The following ATP2C2 variants were observed in gnomAD, a reference collection of about 807,000 sequenced individuals.
ATP2C2 encodes ATPase secretory pathway Ca2+ transporting 2.
In ATP2C2, 171 loss-of-function variants were observed where a neutral mutation model predicts 110.8. The observed-to-expected ratio is 1.54, with a 90% CI of 1.36 to 1.75. The LOEUF (loss-of-function observed/expected upper bound fraction) is 1.75, where lower values mean the gene tolerates loss of function less well. ATP2C2 is among the 40% of genes most tolerant of loss of function. The probability of loss-of-function intolerance (pLI) is 0.00; values close to 1 mark genes in which losing one functional copy is unlikely to be tolerated. For synonymous variants in ATP2C2, 804 were observed against 508.4 expected (o/e 1.58, Z -7.82); for missense variants, 1,963 against 1,235.0 (o/e 1.59, Z -8.84).
intron 21 of ATP2C2, among the ~76,000 whole-genome samples, chr16:84,456,079 C>T (rs1910764454): frequency 2.0e-5 from 2 of 102,090 alleles, no homozygotes; most frequent in East Asian, 2.5e-4. Context: ...GGATATTGGT[C>T]TAAAATTCTC....
At position 84,408,475 on chromosome 16, in the gene ATP2C2, A is replaced by T; in HGVS notation, c.398A>T (p.Asp133Val). ...LVSVLTKEYE[D>V]AVSIATAVLV... is the part of the protein sequence containing the mutation. ...AGTGTCCTCACCAAGGAGTATGAGGACGCCGTCAGCATCGCCACGGTGAGT... is the reference window on the plus strand; with the variant it reads ...AGTGTCCTCACCAAGGAGTATGAGGTCGCCGTCAGCATCGCCACGGTGAGT... Residue 133 changes from aspartate (D) to valine (V), a missense_variant, in exon 4 of 27, where the codon GAC becomes GTC. Asp to Val is a radical substitution (Grantham distance 152, BLOSUM62 -3). Coordinates refer to ENST00000262429, the MANE Select transcript of ATP2C2 (RefSeq NM_014861.4). The T allele has an allele frequency of 2.5e-6, 4 of 1,613,394 alleles. No individual in the cohort carries two copies. The highest frequency in any genetic ancestry group is 3.4e-6 in the Non-Finnish European group (4 of 1,179,948).
At chr16:84,394,727 C>T (rs1319551054) in intron 1 of ATP2C2, among the ~76,000 whole-genome samples, 1 of 152,098 alleles carries the variant, frequency 6.6e-6, no homozygotes, top group Non-Finnish European at 1.5e-5. Flanking sequence ...CCGATGGACA[C>T]GTCACTCCAG....
At chr16:84,447,498 CA>C (rs1215889000) in intron 16 of ATP2C2, among the ~76,000 whole-genome samples, 2 of 151,680 alleles carry the variant, frequency 1.3e-5, no homozygotes, top group African/African-American at 4.8e-5. Flanking sequence ...TTTAAATATG[CA>C]AACGACAACA....
chr16:84,427,443 C>G (rs1044442809), intron 11 of ATP2C2, among the ~76,000 whole-genome samples: 1 of 152,064 alleles, frequency 6.6e-6, no homozygotes, highest in African/African-American at 2.4e-5. Context: ...CTCGGCCAGG[C>G]GCGGTGGCTC....
intron 26 of ATP2C2, 33 bp from the exon 27 acceptor site, chr16:84,463,581 G>A (rs368738313): frequency 7.4e-5 from 117 of 1,579,376 alleles, no homozygotes; most frequent in Admixed American, 3.7e-4. Flanking sequence ...GCTGCAGCCC[G>A]TCCTGAATCT....
intron 15 of ATP2C2, among the ~76,000 whole-genome samples, chr16:84,446,024 T>C (rs937771140): frequency 1.3e-5 from 2 of 152,146 alleles, no homozygotes; most frequent in Non-Finnish European, 2.9e-5. Flanking sequence ...GTCTGAGAAA[T>C]TGCTACACCT....
At chr16:84,460,317 G>T (rs1567466602) in intron 23 of ATP2C2, 1 of 380,914 alleles carries the variant, frequency 2.6e-6, no homozygotes, top group Non-Finnish European at 5.0e-6. Context: ...GGAGGGCGGA[G>T]CCTGGAGCCT....
In ATP2C2 at chr16:84,453,383, A is replaced by C. The variant is rs573585622; in HGVS notation, c.1980+12A>C. 6.6e-5 allele frequency: 107 copies of C among 1,614,120 alleles called. 1 individual carries two copies. The South Asian group carries it at 1.1e-3, about 16-fold the overall frequency. On this transcript the variant is annotated intron_variant, in intron 20 of 26. Coordinates refer to ENST00000262429, the MANE Select transcript of ATP2C2 (RefSeq NM_014861.4). The stretch of plus-strand genomic sequence containing the variant: ...TCAAAATCATCAAGGTTCGCTGGGC[A>C]AGGCAGGCACAGGCTGCGCTGCTGG...
intron 7 of ATP2C2, among the ~76,000 whole-genome samples, chr16:84,419,305 T>C (rs1040029072): frequency 6.6e-6 from 1 of 150,544 alleles, no homozygotes; most frequent in African/African-American, 2.4e-5. Flanking sequence ...TTTCCCAGCT[T>C]CTAGAAGCCG....
chr16:84,415,136 C>G (rs1164015161), intron 6 of ATP2C2, among the ~76,000 whole-genome samples: 1 of 152,076 alleles, frequency 6.6e-6, no homozygotes, highest in East Asian at 1.9e-4. Context: ...ACCCTGAGTG[C>G]TGTGTGCTCT....
intron 1 of ATP2C2, among the ~76,000 whole-genome samples, chr16:84,379,996 C>G (rs1910483043): frequency 6.6e-6 from 1 of 152,188 alleles, no homozygotes; most frequent in African/African-American, 2.4e-5. Context: ...ACTCAGAGAA[C>G]TAAGCCTTGC....
At chr16:84,440,669 GGTACT>G (rs1430954925) in intron 13 of ATP2C2, among the ~76,000 whole-genome samples, 183 bp from the exon 14 acceptor site, 1 of 152,192 alleles carries the variant, frequency 6.6e-6, no homozygotes, top group Non-Finnish European at 1.5e-5. Flanking sequence ...ACTCATGCCT[GGTACT>G]GTGTCCATCC....
At chr16:84,381,061 G>A (rs1910552784) in intron 1 of ATP2C2, among the ~76,000 whole-genome samples, 1 of 152,172 alleles carries the variant, frequency 6.6e-6, no homozygotes, top group Non-Finnish European at 1.5e-5. Flanking sequence ...CAACATGGCT[G>A]TTTATTTCAC....
intron 1 of ATP2C2, among the ~76,000 whole-genome samples, chr16:84,398,207 A>T (rs6564030): frequency 6.6e-6 from 1 of 151,648 alleles, no homozygotes; most frequent in Admixed American, 6.6e-5. Context: ...TTTGAGACCA[A>T]CCTGGCCAAC....
chr16:84,442,720 A>T, intron 15 of ATP2C2, 121 bp downstream of exon 15: 1 of 979,954 alleles, frequency 1.0e-6, no homozygotes, highest in Non-Finnish European at 1.6e-6. Context: ...ATGGAAGAAA[A>T]TGGCCCACAC....
intron 1 of ATP2C2, among the ~76,000 whole-genome samples, chr16:84,392,063 T>C (rs1904697516): frequency 6.6e-6 from 1 of 152,186 alleles, no homozygotes; most frequent in Non-Finnish European, 1.5e-5. Flanking sequence ...TATTTAATTT[T>C]GTATTTTGTA....
At chr16:84,371,364 G>T (rs957457648) in intron 1 of ATP2C2, among the ~76,000 whole-genome samples, 1 of 152,016 alleles carries the variant, frequency 6.6e-6, no homozygotes, top group Non-Finnish European at 1.5e-5. Flanking sequence ...AAAAAATTAG[G>T]CGTGGTGGTG....
Position 84,463,747 on chromosome 16 carries a change from C to T in ATP2C2, c.*15C>T, listed in dbSNP as rs142106669. The T allele has an allele frequency of 8.1e-5, 128 of 1,586,984 alleles. No homozygotes were observed. The highest frequency in any genetic ancestry group is 6.5e-4 in the East Asian group (29 of 44,770). On this transcript the variant is annotated 3_prime_UTR_variant, in exon 27 of 27. Coordinates refer to ENST00000262429, the MANE Select transcript of ATP2C2 (RefSeq NM_014861.4). ...AAGATGTGTAGTGGACCGCACTCCG[C>T]GGCACCTTCCCTAATCATCTCGATC...
intron 12 of ATP2C2, 28 bp from the exon 13 acceptor site, chr16:84,439,399 T>TTC (rs386385280): frequency 2.7e-6 from 4 of 1,503,898 alleles, no homozygotes; most frequent in Non-Finnish European, 3.5e-6. Flanking sequence ...GCAACTTCTC[T>TTC]TCTATAAACT....
Sources: gnomAD v4.1 joint callset for allele counts (sites outside exome capture counted in the v4.1 genomes callset) on GRCh38, gnomAD v4.1.1 for gene constraint, MANE v1.5 for transcripts, NCBI Gene and HGNC (gene_info 2026-07-23, HGNC 2026-07-21) for gene names.